CTNNA3: variants seen among roughly 807,000 people sequenced by gnomAD.
CTNNA3 encodes catenin alpha 3.
CTNNA3 carries 76 observed loss-of-function variants against 95.7 expected under a neutral mutation model. That is an observed-to-expected ratio of 0.79 (90% confidence interval 0.66 to 0.96). The LOEUF is 0.96. CTNNA3 is among the 40% of genes least tolerant of loss of function. The probability of loss-of-function intolerance (pLI) is 0.00; values close to 1 mark genes in which losing one functional copy is unlikely to be tolerated. For synonymous variants in CTNNA3, 431 were observed against 374.4 expected (o/e 1.15, Z -1.74); for missense variants, 1,191 against 1,089.8 (o/e 1.09, Z -1.31).
intron 13 of CTNNA3, among the ~76,000 whole-genome samples, chr10:66,265,788 TTTC>T (rs770996447): frequency 7.3e-4 from 111 of 152,136 alleles, no homozygotes; most frequent in Non-Finnish European, 6.6e-4. Context: ...CCAATTTTCT[TTTC>T]ATCATATCAT....
chr10:67,122,124 C>T (rs1407150931), intron 7 of CTNNA3, among the ~76,000 whole-genome samples: 1 of 151,422 alleles, frequency 6.6e-6, no homozygotes, highest in East Asian at 1.9e-4. Flanking sequence ...ATTAAGAGAC[C>T]AGGTAAGGGC....
intron 7 of CTNNA3, among the ~76,000 whole-genome samples, chr10:66,999,450 A>G (rs993742391): frequency 6.6e-6 from 1 of 152,126 alleles, no homozygotes; most frequent in African/African-American, 2.4e-5. Context: ...ATTACACAGA[A>G]AACTGGGCTG....
intron 13 of CTNNA3, among the ~76,000 whole-genome samples, chr10:66,157,850 C>T (rs1050039801): frequency 3.3e-5 from 5 of 151,796 alleles, no homozygotes; most frequent in Non-Finnish European, 7.4e-5. Context: ...TTTATTATGG[C>T]CATTCTTGCA....
intron 1 of CTNNA3, among the ~76,000 whole-genome samples, chr10:67,761,164 T>C (rs1361564073): frequency 6.6e-6 from 1 of 152,130 alleles, no homozygotes; most frequent in Non-Finnish European, 1.5e-5. Context: ...ACAGAAAAGA[T>C]ACAGTGAAAA....
In CTNNA3 at chr10:66,409,477, G is replaced by T. The variant is rs545841695; in HGVS notation, c.1532-30125C>A. Among the ~76,000 whole-genome samples the T allele has an allele frequency of 2.3e-4, 35 of 152,240 alleles. No homozygotes were observed. In the South Asian group the frequency reaches 7.0e-3, roughly 31 times the overall value. On this transcript the variant is annotated intron_variant, in intron 11 of 17. Transcript: ENST00000433211. ...TTCTTGGTTCAATAGTTACTGTGGGGAAACCAGGAGAGATAATATAATCAT... is the reference window on the plus strand; with the variant it reads ...TTCTTGGTTCAATAGTTACTGTGGGTAAACCAGGAGAGATAATATAATCAT...
chr10:67,416,711 C>T (rs565099777), intron 5 of CTNNA3, among the ~76,000 whole-genome samples: 1 of 151,122 alleles, frequency 6.6e-6, no homozygotes, highest in African/African-American at 2.4e-5. Context: ...TACTCCACAT[C>T]ACTATCAGAG....
chr10:66,250,070 A>C (rs2090489289), intron 13 of CTNNA3, among the ~76,000 whole-genome samples: 1 of 152,208 alleles, frequency 6.6e-6, no homozygotes, highest in African/African-American at 2.4e-5. Context: ...AGTCATAAAA[A>C]TGAATAAGAT....
intron 7 of CTNNA3, among the ~76,000 whole-genome samples, chr10:66,777,496 T>C (rs897859520): frequency 1.4e-4 from 22 of 151,960 alleles, no homozygotes; most frequent in African/African-American, 5.3e-4. Flanking sequence ...ATTACACAGA[T>C]GAAAGTTGTG....
In CTNNA3 at chr10:65,914,565, C is replaced by A. The variant is rs943115310; in HGVS notation, c.*5765G>T. 1 of 152,162 alleles carries A rather than the reference C, an allele frequency of 6.6e-6. No individual in the cohort carries two copies. Among genetic ancestry groups the A allele is most frequent in the Non-Finnish European group, 1.5e-5 (1 of 68,016 alleles). The allele number at this position is 152,162 out of a possible 1,614,324, so 9.4% of individuals were successfully genotyped here. On this transcript the variant is annotated 3_prime_UTR_variant, in exon 18 of 18. Coordinates refer to ENST00000433211, the MANE Select transcript of CTNNA3 (RefSeq NM_013266.4). ...TATTTGCTACAGTTTGGGTAAATTT[C>A]AAATACAGGGAAACTTTATCCTACT...
At chr10:66,059,886 G>A (rs937555408) in intron 15 of CTNNA3, among the ~76,000 whole-genome samples, 3 of 152,052 alleles carry the variant, frequency 2.0e-5, no homozygotes, top group Non-Finnish European at 2.9e-5. Context: ...GCATGTTGGT[G>A]CTTAGAGCAG....
At chr10:67,076,927 C>T (rs1856777120) in intron 7 of CTNNA3, among the ~76,000 whole-genome samples, 1 of 152,216 alleles carries the variant, frequency 6.6e-6, no homozygotes, top group Non-Finnish European at 1.5e-5. Context: ...CTCCATTGGA[C>T]TATGTCAAAA....
intron 7 of CTNNA3, among the ~76,000 whole-genome samples, chr10:67,021,131 G>A (rs1355113928): frequency 6.6e-6 from 1 of 152,146 alleles, no homozygotes; most frequent in Non-Finnish European, 1.5e-5. Flanking sequence ...TGTGACGGAA[G>A]AGGAAGGCCA....
rs571522767 is a variant in CTNNA3 at position 66,763,075 on chromosome 10, G to C, written c.1281+3189C>G. Among the ~76,000 whole-genome samples, 245 of 152,100 alleles carry C rather than the reference G, an allele frequency of 1.6e-3. 1 individual carries two copies. Among genetic ancestry groups the C allele is most frequent in the African/African-American group, 5.6e-3 (231 of 41,496 alleles). ...CATGTCTGTGGGGTGGGGTGGTAGG[G>C]AGCAAGGAAGTAGGGGATTGGTAAA... On this transcript the variant is annotated intron_variant, in intron 9 of 17. Coordinates refer to ENST00000433211, the MANE Select transcript of CTNNA3 (RefSeq NM_013266.4).
Position 67,290,438 on chromosome 10 carries a change from G to A in CTNNA3, c.580-70568C>T, listed in dbSNP as rs1184127110. Among the ~76,000 whole-genome samples, 5 of 152,038 alleles carry A rather than the reference G, an allele frequency of 3.3e-5. No individual in the cohort carries two copies. The East Asian group carries it at 5.8e-4, about 18-fold the overall frequency. On this transcript the variant is annotated intron_variant, in intron 5 of 17. Coordinates refer to ENST00000433211, the MANE Select transcript of CTNNA3 (RefSeq NM_013266.4). The stretch of plus-strand genomic sequence containing the variant: ...AAATACTGTGTCTTTCATCAACATA[G>A]CCTGAGACAATTGAGAATTTAATAA...
chr10:67,478,894 A>G (rs1848115961), intron 5 of CTNNA3, among the ~76,000 whole-genome samples: 1 of 151,946 alleles, frequency 6.6e-6, no homozygotes. Flanking sequence ...AATGACACCC[A>G]TAGGCTACCA....
intron 7 of CTNNA3, among the ~76,000 whole-genome samples, chr10:66,865,266 C>A (rs1237006885): frequency 1.3e-5 from 2 of 150,584 alleles, no homozygotes; most frequent in East Asian, 3.9e-4. Context: ...AAGGAAGTAT[C>A]ATTTTACTCC....
At chr10:66,534,596 G>A (rs1485255499) in intron 10 of CTNNA3, among the ~76,000 whole-genome samples, 3 of 149,608 alleles carry the variant, frequency 2.0e-5, no homozygotes, top group Admixed American at 2.0e-4. Flanking sequence ...ATAGAATAAT[G>A]TCTTTCTTAA....
intron 1 of CTNNA3, among the ~76,000 whole-genome samples, chr10:67,749,008 A>ACTTT (rs1344531809): frequency 6.6e-6 from 1 of 152,232 alleles, no homozygotes; most frequent in Non-Finnish European, 1.5e-5. Flanking sequence ...TTGCAATCCT[A>ACTTT]CTTTCTGACA....
chr10:67,055,533 C>T (rs1855369680), intron 7 of CTNNA3, among the ~76,000 whole-genome samples: 1 of 152,088 alleles, frequency 6.6e-6, no homozygotes, highest in South Asian at 2.1e-4. Context: ...GGAGACAATG[C>T]CATTTGCAGG....
Sources: allele counts gnomAD v4.1 joint callset (sites outside exome capture counted in the v4.1 genomes callset), GRCh38; gene constraint gnomAD v4.1.1; transcripts MANE v1.5; gene names NCBI Gene and HGNC (gene_info 2026-07-23, HGNC 2026-07-21).